Variants in PLCH2 observed in about 807,000 individuals in gnomAD.
PLCH2 encodes the protein 1-phosphatidylinositol 4,5-bisphosphate phosphodiesterase eta-2.
In PLCH2, 98 loss-of-function variants were observed where a neutral mutation model predicts 134.7. The ratio of observed to expected loss-of-function variants is 0.73; its 90% confidence interval spans 0.62 to 0.86. The LOEUF is 0.86. Among genes scored for constraint, PLCH2 ranks in the 40% least tolerant of loss-of-function variants. The probability of loss-of-function intolerance (pLI) is 0.00; values close to 1 mark genes in which losing one functional copy is unlikely to be tolerated. For missense variants in PLCH2, 1,994 were observed against 1,986.6 expected (o/e 1.00, Z -0.07); for synonymous variants, 974 against 827.5 (o/e 1.18, Z -3.04).
At chr1:2,483,725 G>T in intron 4 of PLCH2, among the ~76,000 whole-genome samples, 1 of 152,118 alleles carries the variant, frequency 6.6e-6, no homozygotes, top group Non-Finnish European at 1.5e-5. Flanking sequence ...CTGCTGGGAT[G>T]CCCAGCCTCC....
chr1:2,432,721 TGG>T (rs2100490361), intron 2 of PLCH2, among the ~76,000 whole-genome samples: 1 of 152,250 alleles, frequency 6.6e-6, no homozygotes, highest in African/African-American at 2.4e-5. Context: ...TCTCAGTGCC[TGG>T]GGCCGGATGC....
chr1:2,482,371 C>T (rs1222629214), intron 4 of PLCH2, among the ~76,000 whole-genome samples: 1 of 152,188 alleles, frequency 6.6e-6, no homozygotes, highest in Non-Finnish European at 1.5e-5. Flanking sequence ...CCCATGGGGG[C>T]CCTTTGAGCT....
At chr1:2,467,850 C>T (rs1207157599) in intron 1 of PLCH2, among the ~76,000 whole-genome samples, 1 of 152,180 alleles carries the variant, frequency 6.6e-6, no homozygotes, top group African/African-American at 2.4e-5. Flanking sequence ...ACCCCATTAC[C>T]TGCACATCCC....
chr1:2,424,723 C>CA (rs1557929253), upstream of PLCH2, among the ~76,000 whole-genome samples: 2 of 152,208 alleles, frequency 1.3e-5, no homozygotes, highest in Admixed American at 1.3e-4. Context: ...CGCGGTGGCT[C>CA]ATGCCTGTAA....
Position 2,446,629 on chromosome 1 carries a change from G to A in PLCH2, c.115+16000G>A, listed in dbSNP as rs1035389928. The stretch of plus-strand genomic sequence containing the variant: ...CTCCGGCGGCAGCAGCTAGCCAGCC[G>A]GGAGAACAGCTTTTGTCCTTTCCAC... On this transcript the variant is annotated intron_variant, in intron 2 of 3. Transcript: ENST00000609981. Among the ~76,000 whole-genome samples the A allele has an allele frequency of 6.6e-5, 10 of 152,254 alleles. 1 individual carries two copies. Among genetic ancestry groups the A allele is most frequent in the East Asian group, 3.8e-4 (2 of 5,202 alleles).
intron 2 of PLCH2, among the ~76,000 whole-genome samples, chr1:2,441,221 A>AGCCCCTGCCG (rs1317049076): frequency 3.9e-5 from 6 of 152,148 alleles, no homozygotes; most frequent in African/African-American, 1.2e-4. Flanking sequence ...CCCCCCTGGC[A>AGCCCCTGCCG]GCCCCTGCCG....
intron 1 of PLCH2, among the ~76,000 whole-genome samples, chr1:2,478,010 C>T (rs1641731473): frequency 6.6e-6 from 1 of 151,348 alleles, no homozygotes; most frequent in South Asian, 2.1e-4. Context: ...TGGCCCCAGA[C>T]AGCCAGCCCA....
At chr1:2,467,047 C>G (rs1641088788), upstream of PLCH2, among the ~76,000 whole-genome samples, 2 of 152,174 alleles carry the variant, frequency 1.3e-5, no homozygotes, top group Admixed American at 1.3e-4. Flanking sequence ...GGGTGAGTGG[C>G]TCTTCTTGGC....
intron 2 of PLCH2, among the ~76,000 whole-genome samples, chr1:2,431,084 G>T (rs1314266664): frequency 6.6e-6 from 1 of 152,184 alleles, no homozygotes; most frequent in Non-Finnish European, 1.5e-5. Context: ...CTGAGCTCCT[G>T]AGCTTCTGCT....
rs772645717 is a variant in PLCH2 at position 2,496,587 on chromosome 1, AC to A, written c.1836-15del. 1.3e-6 allele frequency: 2 copies of A among 1,592,090 alleles called. No individual in the cohort carries two copies. Among genetic ancestry groups the A allele is most frequent in the South Asian group, 1.1e-5 (1 of 88,596 alleles). ...CTGGCCCTGGACGGGAGGGGTTCTG[AC>A]CCCCTGCACCTGCCACAGGGCGACC... On this transcript the variant is annotated intron_variant, in intron 13 of 21. Coordinates refer to ENST00000378486, the MANE Select transcript of PLCH2 (RefSeq NM_014638.4).
intron 1 of PLCH2, among the ~76,000 whole-genome samples, chr1:2,471,010 G>C (rs1641297863): frequency 6.6e-6 from 1 of 151,364 alleles, no homozygotes; most frequent in Admixed American, 6.6e-5. Flanking sequence ...CCAGTGACTT[G>C]TGGCAGGGAC....
intron 2 of PLCH2, among the ~76,000 whole-genome samples, chr1:2,433,523 G>T (rs767490764): frequency 6.6e-6 from 1 of 152,146 alleles, no homozygotes; most frequent in Non-Finnish European, 1.5e-5. Flanking sequence ...GCTCAGTCTC[G>T]GTGCCTTGAG....
At chr1:2,494,159 G>T (rs1642743345) in intron 11 of PLCH2, among the ~76,000 whole-genome samples, 1 of 152,210 alleles carries the variant, frequency 6.6e-6, no homozygotes, top group Admixed American at 6.5e-5. Context: ...ATGTTTTGGA[G>T]GTGTCTGTGG....
At chr1:2,424,716 G>A (rs1042816510), upstream of PLCH2, among the ~76,000 whole-genome samples, 17 of 152,130 alleles carry the variant, frequency 1.1e-4, no homozygotes, top group South Asian at 2.1e-4. Context: ...GGCCGGGCGC[G>A]GTGGCTCATG....
At chr1:2,437,474 G>A (rs1041064609) in intron 2 of PLCH2, among the ~76,000 whole-genome samples, 6 of 151,858 alleles carry the variant, frequency 4.0e-5, no homozygotes, top group Non-Finnish European at 8.8e-5. Flanking sequence ...AGCACCCACC[G>A]CAACTAGGGG....
chr1:2,501,936 C>G, intron 20 of PLCH2, 176 bp from the exon 21 acceptor site: 1 of 553,270 alleles, frequency 1.8e-6, no homozygotes, highest in Non-Finnish European at 3.1e-6. Context: ...GCCCTAGGGA[C>G]CCTGCTCCTG....
chr1:2,492,272 C>T (rs1310079230), intron 11 of PLCH2: 3 of 152,242 alleles, frequency 2.0e-5, no homozygotes, highest in Admixed American at 6.5e-5. Context: ...CAGCTGACAC[C>T]GCAGGAGAGC....
At chr1:2,468,070 G>A (rs551864349) in intron 1 of PLCH2, among the ~76,000 whole-genome samples, 1 of 152,234 alleles carries the variant, frequency 6.6e-6, no homozygotes, top group African/African-American at 2.4e-5. Flanking sequence ...CACACTGCTC[G>A]GGTGGGGGGC....
intron 11 of PLCH2, chr1:2,494,554 G>A (rs1642768982): frequency 5.9e-6 from 3 of 508,356 alleles, no homozygotes; most frequent in African/African-American, 3.9e-5. Context: ...AGAACTTAAC[G>A]AGTTTAAAAC....
Sources: allele counts gnomAD v4.1 joint callset (sites outside exome capture counted in the v4.1 genomes callset), GRCh38; gene constraint gnomAD v4.1.1; transcripts MANE v1.5; gene names NCBI Gene and HGNC (gene_info 2026-07-23, HGNC 2026-07-21).